Variants in EYS observed in about 807,000 individuals in gnomAD.
EYS encodes the protein EGF-like photoreceptor maintenance factor.
EYS carries 250 observed loss-of-function variants against 282.1 expected under a neutral mutation model. The ratio of observed to expected loss-of-function variants is 0.89; its 90% CI spans 0.80 to 0.98. The LOEUF (loss-of-function observed/expected upper bound fraction) is 0.98, where lower values mean the gene tolerates loss of function less well. Ranked by LOEUF, EYS falls within the 50% of genes least tolerant of loss-of-function variation. The pLI, the probability that EYS is intolerant of heterozygous loss-of-function variation, is 0.00. For missense variants in EYS, 4,016 were observed against 3,709.0 expected, an observed-to-expected ratio of 1.08 and a Z score of -2.15; for synonymous variants, 1,355 against 1,282.9, an observed-to-expected ratio of 1.06 and a Z score of -1.20.
chr6:64,924,788 T>C (rs896309858), intron 15 of EYS, among the ~76,000 whole-genome samples: 1 of 152,156 alleles, frequency 6.6e-6, no homozygotes, highest in East Asian at 1.9e-4. Context: ...CCCAACAAGT[T>C]CTTCATCTCC....
intron 22 of EYS, among the ~76,000 whole-genome samples, chr6:64,666,676 A>G (rs1175865964): frequency 1.3e-5 from 2 of 152,176 alleles, no homozygotes; most frequent in African/African-American, 2.4e-5. Flanking sequence ...TTGTGTTTCC[A>G]GTCCTAACTG....
intron 5 of EYS, among the ~76,000 whole-genome samples, chr6:65,420,640 A>G (rs965937607): frequency 6.6e-6 from 1 of 151,934 alleles, no homozygotes; most frequent in African/African-American, 2.4e-5. Context: ...AAAGCTTTCA[A>G]TTGACTTTGC....
chr6:64,284,712 G>A (rs931746408), intron 30 of EYS, among the ~76,000 whole-genome samples: 1 of 152,160 alleles, frequency 6.6e-6, no homozygotes, highest in Non-Finnish European at 1.5e-5. Context: ...CTAGGCAGAG[G>A]TTCCCAAACC....
chr6:64,151,329 A>ATATATATATATATT (rs1178280770), intron 31 of EYS, among the ~76,000 whole-genome samples: 7 of 96,074 alleles, frequency 7.3e-5, no homozygotes, highest in Admixed American at 2.9e-4. Flanking sequence ...ATATATATAT[A>ATATATATATATATT]TATATATATA....
intron 8 of EYS, among the ~76,000 whole-genome samples, chr6:65,372,308 A>C (rs1765189560): frequency 6.6e-6 from 1 of 152,120 alleles, no homozygotes; most frequent in African/African-American, 2.4e-5. Flanking sequence ...CAATATTTGA[A>C]TAGACACAAA....
intron 12 of EYS, among the ~76,000 whole-genome samples, chr6:65,152,386 A>C (rs1369590246): frequency 6.6e-6 from 1 of 151,928 alleles, no homozygotes; most frequent in African/African-American, 2.4e-5. Flanking sequence ...TGGAAATAGG[A>C]CTTTAAAGAG....
At chr6:64,810,753 G>C (rs1764569035) in intron 22 of EYS, among the ~76,000 whole-genome samples, 1 of 151,992 alleles carries the variant, frequency 6.6e-6, no homozygotes, top group South Asian at 2.1e-4. Context: ...CCCTTAAGGT[G>C]CAAAGTTATA....
At chr6:64,626,363 G>A (rs909677140) in intron 22 of EYS, 118 bp from the exon 23 acceptor site, 1 of 1,249,860 alleles carries the variant, frequency 8.0e-7, no homozygotes, top group Non-Finnish European at 1.1e-6. Context: ...CATGTAGCTG[G>A]GAGCCTTCCT....
intron 31 of EYS, among the ~76,000 whole-genome samples, chr6:64,093,926 C>T (rs1746750827): frequency 6.6e-6 from 1 of 152,042 alleles, no homozygotes; most frequent in Non-Finnish European, 1.5e-5. Context: ...TGAGATACGC[C>T]CCATCAATAA....
At chr6:64,697,133 C>T (rs1358479043) in intron 22 of EYS, among the ~76,000 whole-genome samples, 2 of 151,952 alleles carry the variant, frequency 1.3e-5, no homozygotes, top group African/African-American at 2.4e-5. Context: ...TTAAAAAAAA[C>T]ATGAATCAAC....
intron 31 of EYS, among the ~76,000 whole-genome samples, chr6:64,192,235 T>C (rs996380253): frequency 4.0e-5 from 6 of 151,422 alleles, no homozygotes; most frequent in African/African-American, 1.2e-4. Flanking sequence ...ATTAGCCCTT[T>C]GTCAGATGAG....
At chr6:63,838,044 TTATC>T (rs1458916326) in intron 36 of EYS, among the ~76,000 whole-genome samples, 1 of 152,154 alleles carries the variant, frequency 6.6e-6, no homozygotes, top group Non-Finnish European at 1.5e-5. Context: ...TTTATGCACT[TTATC>T]TAATTTTTTA....
intron 12 of EYS, among the ~76,000 whole-genome samples, chr6:65,119,238 G>A (rs75357651): frequency 6.6e-6 from 1 of 152,130 alleles, no homozygotes; most frequent in East Asian, 1.9e-4. Context: ...TAGCACATAA[G>A]GCTTAGGAAG....
chr6:65,680,256 A>G (rs1040219206), intron 1 of EYS, among the ~76,000 whole-genome samples: 1 of 151,918 alleles, frequency 6.6e-6, no homozygotes, highest in Admixed American at 6.6e-5. Flanking sequence ...CTAATTTCAG[A>G]TCTAGAAAAT....
At chr6:64,054,111 C>G (rs1416950226) in intron 33 of EYS, among the ~76,000 whole-genome samples, 2 of 152,076 alleles carry the variant, frequency 1.3e-5, no homozygotes, top group African/African-American at 4.8e-5. Flanking sequence ...TACTTTATTC[C>G]TAGCATTCTT....
intron 41 of EYS, among the ~76,000 whole-genome samples, chr6:63,755,803 T>C (rs1281240993): frequency 1.3e-5 from 2 of 152,218 alleles, no homozygotes; most frequent in East Asian, 3.8e-4. Context: ...TCCTCTCTTA[T>C]TTCCTTGAGC....
intron 5 of EYS, among the ~76,000 whole-genome samples, chr6:65,482,914 C>T (rs192680642): frequency 6.6e-6 from 1 of 152,158 alleles, no homozygotes; most frequent in Non-Finnish European, 1.5e-5. Context: ...CCTGTTTCTA[C>T]ATCAAATTCA....
chr6:65,603,339 G>C (rs1246444362), intron 2 of EYS, among the ~76,000 whole-genome samples: 1 of 151,636 alleles, frequency 6.6e-6, no homozygotes, highest in Non-Finnish European at 1.5e-5. Flanking sequence ...ACAGAGTAAT[G>C]GACCATGGAC....
chr6:65,339,919 T>A (rs13201563), intron 10 of EYS, among the ~76,000 whole-genome samples: 41,588 of 150,318 alleles, frequency 0.28, 6,578 homozygotes, highest in African/African-American at 0.43. Flanking sequence ...CAACTGCAAA[T>A]TTTTTAAAGT....
Sources: allele counts gnomAD v4.1 joint callset (sites outside exome capture counted in the v4.1 genomes callset), GRCh38; gene constraint gnomAD v4.1.1; transcripts MANE v1.5; gene names NCBI Gene and HGNC (gene_info 2026-07-23, HGNC 2026-07-21).